Variants in ABTB2 observed in about 807,000 individuals in gnomAD.
The protein encoded by ABTB2 is ankyrin repeat and BTB/POZ domain-containing protein 2.
ABTB2 carries 56 observed loss-of-function variants against 104.1 expected under a neutral mutation model. That is an observed-to-expected ratio of 0.54 (90% CI 0.43 to 0.67). ABTB2 has a LOEUF of 0.67. ABTB2 is among the 30% of genes least tolerant of loss of function. ABTB2 has a pLI of 0.00. For missense variants in ABTB2, 1,279 were observed against 1,407.7 expected, an observed-to-expected ratio of 0.91 and a Z score of 1.46; for synonymous variants, 606 against 608.2, an observed-to-expected ratio of 1.00 and a Z score of 0.05.
intron 1 of ABTB2, among the ~76,000 whole-genome samples, chr11:34,243,483 A>G (rs1021930230): frequency 6.6e-6 from 1 of 152,094 alleles, no homozygotes; most frequent in Non-Finnish European, 1.5e-5. Flanking sequence ...CCTCATCCAT[A>G]ACCCTGCCCC....
chr11:34,343,474 C>T (rs993494411), intron 1 of ABTB2, among the ~76,000 whole-genome samples: 1 of 151,940 alleles, frequency 6.6e-6, no homozygotes, highest in African/African-American at 2.4e-5. Context: ...CACACACATA[C>T]ACACACTTTT....
intron 1 of ABTB2, among the ~76,000 whole-genome samples, chr11:34,292,099 ATAGACCT>A (rs1163018061): frequency 6.6e-6 from 1 of 152,152 alleles, no homozygotes; most frequent in African/African-American, 2.4e-5. Flanking sequence ...GCAAATCTAA[ATAGACCT>A]TAAGTCAAGC....
In ABTB2 at chr11:34,164,816, A is replaced by G; in HGVS notation, c.1858T>C (p.Tyr620His). ...PLQLASAAGN[Y>H]ELVSLLLSRG... ...CTCAGCAACAAACTGACCAGCTCAT[A>G]GTTCCCTGAAAGAGAAGGTGGGCAG... The change falls in exon 9 of 17, where the codon TAT (tyrosine) becomes CAT (histidine). Residue 620 changes from tyrosine to histidine, a missense_variant. By Grantham distance (83) the Tyr-to-His change is moderately conservative (BLOSUM62 2). Coordinates refer to ENST00000435224, the MANE Select transcript of ABTB2 (RefSeq NM_145804.3). 6.3e-7 allele frequency: 1 copy of G among 1,586,916 alleles called. No homozygotes were observed. The highest frequency in any genetic ancestry group is 8.5e-7 in the Non-Finnish European group (1 of 1,171,524).
intron 3 of ABTB2, 127 bp from the exon 4 acceptor site, chr11:34,173,434 C>G (rs1037327455): frequency 1.5e-4 from 181 of 1,206,254 alleles, no homozygotes; most frequent in Admixed American, 1.3e-3. Flanking sequence ...GGGTGGGGGG[C>G]TCCCTGCTGG....
intron 1 of ABTB2, among the ~76,000 whole-genome samples, chr11:34,324,999 G>A (rs1855052260): frequency 6.6e-6 from 1 of 152,058 alleles, no homozygotes. Context: ...TTTTGTTGTT[G>A]AGGTTGCCTG....
In ABTB2 at chr11:34,213,824, T is replaced by C. The variant is rs565839623; in HGVS notation, c.884-9134A>G. Among the ~76,000 whole-genome samples, 14 of 152,214 alleles carry C rather than the reference T, an allele frequency of 9.2e-5. No individual in the cohort carries two copies. In the South Asian group the frequency reaches 2.7e-3, roughly 29 times the overall value. On this transcript the variant is annotated intron_variant, in intron 1 of 16. Coordinates refer to ENST00000435224, the MANE Select transcript of ABTB2 (RefSeq NM_145804.3). ...AAAAACCAGTGCAATAGTCACAACATTGGGCAATGTGGGGCAGAAAACTAA... is the reference window on the plus strand; with the variant it reads ...AAAAACCAGTGCAATAGTCACAACACTGGGCAATGTGGGGCAGAAAACTAA...
At chr11:34,248,500 C>G (rs1386382992) in intron 1 of ABTB2, among the ~76,000 whole-genome samples, 1 of 152,120 alleles carries the variant, frequency 6.6e-6, no homozygotes. Context: ...TTCTACATTC[C>G]TAGAAACCAG....
intron 1 of ABTB2, among the ~76,000 whole-genome samples, chr11:34,351,888 T>C (rs1197126219): frequency 2.0e-5 from 3 of 152,120 alleles, no homozygotes; most frequent in Non-Finnish European, 2.9e-5. Context: ...TCTACCTTGT[T>C]CCTCTTACTA....
At position 34,167,304 on chromosome 11, in the gene ABTB2, G is replaced by A. The variant is rs746183793; in HGVS notation, c.1710C>T (p.Thr570=). ...CATGCAGCACAGCGAATGTCAGTGAGGTCCAGTGCCGGCTGTCGGGGTGGA... is the reference window on the plus strand; with the variant it reads ...CATGCAGCACAGCGAATGTCAGTGAAGTCCAGTGCCGGCTGTCGGGGTGGA... The part of the protein sequence containing the change: ...PSIHPDSRHW[T]SLTFAVLHGH... The change falls in exon 7 of 17, where the codon ACC becomes ACT. Residue 570 remains threonine (T), a synonymous_variant. Transcript: ENST00000435224. 1 of 1,613,566 alleles carries A rather than the reference G, an allele frequency of 6.2e-7. No individual in the cohort carries two copies. Among genetic ancestry groups the A allele is most frequent in the Admixed American group, 1.7e-5 (1 of 59,974 alleles).
At chr11:34,349,231 G>A (rs1005559666) in intron 1 of ABTB2, among the ~76,000 whole-genome samples, 1 of 152,198 alleles carries the variant, frequency 6.6e-6, no homozygotes, top group African/African-American at 2.4e-5. Context: ...ATATCCACAG[G>A]AGAATTGCTC....
intron 3 of ABTB2, among the ~76,000 whole-genome samples, chr11:34,178,607 G>T (rs780951616): frequency 2.6e-5 from 4 of 152,224 alleles, no homozygotes; most frequent in Non-Finnish European, 4.4e-5. Context: ...GGCTGAGCTT[G>T]GTCGTTCCGT....
At chr11:34,305,662 A>G (rs758662125) in intron 1 of ABTB2, among the ~76,000 whole-genome samples, 1 of 152,220 alleles carries the variant, frequency 6.6e-6, no homozygotes, top group Non-Finnish European at 1.5e-5. Context: ...AGGAGAGGAC[A>G]AGGGAGTAGA....
At chr11:34,259,421 A>G (rs568249755) in intron 1 of ABTB2, among the ~76,000 whole-genome samples, 2 of 152,370 alleles carry the variant, frequency 1.3e-5, no homozygotes, top group Admixed American at 1.3e-4. Flanking sequence ...AATAGGTAAG[A>G]ACCACCACAG....
intron 1 of ABTB2, among the ~76,000 whole-genome samples, chr11:34,331,764 T>C (rs766099721): frequency 7.2e-5 from 11 of 152,136 alleles, no homozygotes; most frequent in Non-Finnish European, 1.6e-4. Flanking sequence ...TGTATTCAAG[T>C]TTACATTGCA....
intron 1 of ABTB2, among the ~76,000 whole-genome samples, chr11:34,329,989 T>C (rs939850715): frequency 6.6e-6 from 1 of 152,248 alleles, no homozygotes; most frequent in Non-Finnish European, 1.5e-5. Flanking sequence ...TGCCCAAGTA[T>C]GAGTCCAGGA....
chr11:34,344,495 TC>T (rs766960958), intron 1 of ABTB2, among the ~76,000 whole-genome samples: 2 of 152,126 alleles, frequency 1.3e-5, no homozygotes, highest in Non-Finnish European at 2.9e-5. Flanking sequence ...CCAGCCAACT[TC>T]CTATTTGTTT....
chr11:34,319,970 G>C (rs562626370), intron 1 of ABTB2, among the ~76,000 whole-genome samples: 1 of 151,972 alleles, frequency 6.6e-6, no homozygotes, highest in African/African-American at 2.4e-5. Context: ...GCCTGGCCTC[G>C]AACTCCTGAC....
At chr11:34,315,675 T>A (rs975621621) in intron 1 of ABTB2, among the ~76,000 whole-genome samples, 4 of 152,182 alleles carry the variant, frequency 2.6e-5, no homozygotes, top group Non-Finnish European at 4.4e-5. Flanking sequence ...GAAGGGCACA[T>A]TCTGGCTGGC....
chr11:34,175,759 A>G (rs1007576309), intron 3 of ABTB2, among the ~76,000 whole-genome samples: 4 of 152,218 alleles, frequency 2.6e-5, no homozygotes, highest in Admixed American at 2.6e-4. Flanking sequence ...TCTGGCCCTC[A>G]AGGACTCCCA....
Sources: allele counts gnomAD v4.1 joint callset (sites outside exome capture counted in the v4.1 genomes callset), GRCh38; gene constraint gnomAD v4.1.1; transcripts MANE v1.5; gene names NCBI Gene and HGNC (gene_info 2026-07-23, HGNC 2026-07-21).